Variants in BAHCC1 observed in about 807,000 individuals in gnomAD.
BAHCC1 encodes BAH and coiled-coil domain-containing protein 1.
In BAHCC1, 43 loss-of-function variants were observed where a neutral mutation model predicts 88.2. That is an observed-to-expected ratio of 0.49 (90% CI 0.38 to 0.63). The LOEUF is 0.63. Ranked by LOEUF, BAHCC1 falls within the 20% of genes least tolerant of loss-of-function variation. The pLI is 0.00. For missense variants in BAHCC1, 3,023 were observed against 1,654.8 expected, an observed-to-expected ratio of 1.83 and a Z score of -14.34; for synonymous variants, 1,510 against 745.5, an observed-to-expected ratio of 2.03 and a Z score of -16.71.
intron 13 of BAHCC1, 118 bp from the exon 14 acceptor site, chr17:81,452,605 T>A (rs746830457): frequency 3.6e-6 from 2 of 549,090 alleles, no homozygotes; most frequent in Admixed American, 3.9e-5. Flanking sequence ...CCAGGCCGAG[T>A]CTGGGCCGCA....
Position 81,411,518 on chromosome 17 carries a change from T to TA in BAHCC1, c.178+11601_178+11602insA. ...TGCCTGCCTGCCTGCCTGCCTGCCT[T>TA]CCTTCCTTCCTTCCTTCCTTCCTTC... On this transcript the variant is annotated intron_variant, in intron 2 of 27. Transcript: ENST00000675386. This position sits in a 1 kb window ranked among gnomAD's most constrained non-coding sequence, Gnocchi z 6.2. 1.1e-5 allele frequency: 1 copy of TA among 91,210 alleles called. No individual in the cohort carries two copies. Among genetic ancestry groups the TA allele is most frequent in the Non-Finnish European group, 2.1e-5 (1 of 48,052 alleles). The allele number at this position is 91,210 out of a possible 1,614,324, so 5.7% of individuals were successfully genotyped here. A position where few individuals can be genotyped will look rare whatever the true frequency, so the allele number is the denominator to read the frequency against.
Position 81,447,708 on chromosome 17 carries a change from C to A in BAHCC1, c.3836C>A (p.Pro1279Gln). ...NLGDLPSDSP[P>Q]DPQPPAASGP... ...GGGGACCTGCCCAGCGACAGCCCAC[C>A]GGACCCTCAGCCCCCAGCGGCCTCT... is the stretch of plus-strand genomic sequence containing the variant. The change falls in exon 11 of 28, where the codon CCG (proline) becomes CAG (glutamine). Residue 1279 changes from proline to glutamine, a missense_variant. Physicochemically the swap from Pro to Gln is moderately conservative, Grantham distance 76 (BLOSUM62 -1). Transcript: ENST00000675386. 1 of 734,130 alleles carries A rather than the reference C, an allele frequency of 1.4e-6. No individual in the cohort carries two copies. Among genetic ancestry groups the A allele is most frequent in the African/African-American group, 1.7e-5 (1 of 58,074 alleles). 45.5% of individuals were successfully genotyped at this position (734,130 alleles called of 1,614,324 possible).
intron 2 of BAHCC1, among the ~76,000 whole-genome samples, chr17:81,417,812 T>C (rs541683973): frequency 6.6e-6 from 1 of 152,168 alleles, no homozygotes; most frequent in Non-Finnish European, 1.5e-5. Flanking sequence ...GCCAAGGGGC[T>C]TCCCGGGTGA....
chr17:81,450,699 G>C (rs1475412711), intron 11 of BAHCC1, among the ~76,000 whole-genome samples: 1 of 152,164 alleles, frequency 6.6e-6, no homozygotes, highest in Non-Finnish European at 1.5e-5. Flanking sequence ...GAGGAATGGT[G>C]GCTGCTCCTC....
At chr17:81,437,854 G>A (rs782114605) in intron 3 of BAHCC1, among the ~76,000 whole-genome samples, 15 of 152,290 alleles carry the variant, frequency 9.8e-5, no homozygotes, top group East Asian at 3.9e-4. Context: ...ACTCGGCGTC[G>A]GATGGACACA....
chr17:81,417,050 C>T (rs1222250392), intron 2 of BAHCC1, among the ~76,000 whole-genome samples: 1 of 152,116 alleles, frequency 6.6e-6, no homozygotes, highest in Non-Finnish European at 1.5e-5. Context: ...GTGGGGGCTC[C>T]GGTTGAGAGG....
At chr17:81,414,081 G>T (rs754242133) in intron 2 of BAHCC1, among the ~76,000 whole-genome samples, 1 of 152,182 alleles carries the variant, frequency 6.6e-6, no homozygotes, top group Non-Finnish European at 1.5e-5. Context: ...CTGAAGCTGT[G>T]GGGGTGCCTT....
In BAHCC1 at chr17:81,447,309, C is replaced by A; in HGVS notation, c.3437C>A (p.Ala1146Glu). 1.4e-6 allele frequency: 1 copy of A among 739,548 alleles called. No homozygotes were observed. Among genetic ancestry groups the A allele is most frequent in the East Asian group, 2.5e-5 (1 of 40,120 alleles). 45.8% of individuals were successfully genotyped at this position (739,548 alleles called of 1,614,324 possible). ...GAGCGGGGACCCCAGGGGAAGGCAG[C>A]GGACCCCAGCCCACTAGAGGGGCTA... ...PTERGPQGKA[A>E]DPSPLEGLQE... Residue 1146 changes from alanine to glutamate, a missense_variant, in exon 11 of 28, where the codon GCG becomes GAG. By Grantham distance (107) the Ala-to-Glu change is moderately radical. Coordinates refer to ENST00000675386, the MANE Select transcript of BAHCC1 (RefSeq NM_001377448.1).
chr17:81,443,544 G>A lies in BAHCC1; in HGVS notation c.2195G>A (p.Arg732Gln), dbSNP rs1409047968. ...AYGTNTARQG[R>Q]AAPAFKGGGG... ...GGCACCAACACTGCGCGGCAGGGCC[G>A]GGCCGCCCCCGCCTTCAAAGGTACA... Residue 732 changes from arginine (R) to glutamine (Q), a missense_variant, in exon 5 of 28, where the codon CGG becomes CAG. Arg to Gln is a conservative substitution (Grantham distance 43). Coordinates refer to ENST00000675386, the MANE Select transcript of BAHCC1 (RefSeq NM_001377448.1). 1.7e-5 allele frequency: 11 copies of A among 649,962 alleles called. No individual in the cohort carries two copies. The highest frequency in any genetic ancestry group is 5.4e-5 in the African/African-American group (3 of 55,806). The allele number at this position is 649,962 out of a possible 1,614,324, so 40.3% of individuals were successfully genotyped here.
intron 11 of BAHCC1, 95 bp from the exon 12 acceptor site, chr17:81,451,573 C>T (rs28576195): frequency 0.36 from 229,213 of 635,868 alleles, 42,903 homozygotes; most frequent in Non-Finnish European, 0.38. Context: ...GTCTTCAAGG[C>T]TGGGTGGCTT....
Position 81,411,143 on chromosome 17 carries a change from G to A in BAHCC1, c.178+11226G>A, listed in dbSNP as rs200603523. On this transcript the variant is annotated intron_variant, in intron 2 of 27. Coordinates refer to ENST00000675386, the MANE Select transcript of BAHCC1 (RefSeq NM_001377448.1). This position sits in a 1 kb window ranked among gnomAD's most constrained non-coding sequence, Gnocchi z 6.2. Reference sequence around the variant, plus strand: ...TCCTCTGCGTGAGTCCATTCATCACGTGCCTGCAGGTGCCTGTGTCCTGTC... The same window carrying A: ...TCCTCTGCGTGAGTCCATTCATCACATGCCTGCAGGTGCCTGTGTCCTGTC... 505 of 519,202 alleles carry A rather than the reference G, an allele frequency of 9.7e-4. No homozygotes were observed. The highest frequency in any genetic ancestry group is 1.1e-3 in the South Asian group (81 of 71,566). 32.2% of individuals were successfully genotyped at this position (519,202 alleles called of 1,614,324 possible). A position where few individuals can be genotyped will look rare whatever the true frequency, so the allele number is the denominator to read the frequency against.
At position 81,460,262 on chromosome 17, in the gene BAHCC1, G is replaced by A. The variant is rs781859884; in HGVS notation, c.5906-15G>A. 15 of 754,324 alleles carry A rather than the reference G, an allele frequency of 2.0e-5. No individual in the cohort carries two copies. The highest frequency in any genetic ancestry group is 1.0e-4 in the East Asian group (4 of 39,804). 46.7% of individuals were successfully genotyped at this position (754,324 alleles called of 1,614,324 possible). On this transcript the variant is annotated splice_polypyrimidine_tract_variant and intron_variant, in intron 23 of 27. Coordinates refer to ENST00000675386, the MANE Select transcript of BAHCC1 (RefSeq NM_001377448.1). ...CTGGGGGTTCCAGCTGCAAGCTCAGGTGTGCCGTCCACAGGGGCCTCCGGT... is the reference window on the plus strand; with the variant it reads ...CTGGGGGTTCCAGCTGCAAGCTCAGATGTGCCGTCCACAGGGGCCTCCGGT...
rs1598516541 is a variant in BAHCC1, at chr17:81,461,119, C to T, written c.6456C>T (p.Gly2152=). 1 of 764,780 alleles carries T rather than the reference C, an allele frequency of 1.3e-6. No homozygotes were observed. 47.4% of individuals were successfully genotyped at this position (764,780 alleles called of 1,614,324 possible). ...TGGCCACACCCATATTTGGCAACGG[C>T]TTCCGCGCCGACTCCTTCAGCAGCC... The part of the protein sequence containing the change: ...HSVATPIFGN[G]FRADSFSSLA... The change falls in exon 26 of 28, where the codon GGC becomes GGT. Residue 2152 remains glycine (G), a synonymous_variant. Coordinates refer to ENST00000675386, the MANE Select transcript of BAHCC1 (RefSeq NM_001377448.1).
chr17:81,404,242 C>T (rs575746824), intron 2 of BAHCC1, among the ~76,000 whole-genome samples: 2 of 152,310 alleles, frequency 1.3e-5, no homozygotes, highest in East Asian at 3.9e-4. Flanking sequence ...TAAAAATATT[C>T]CAGGCTTTGG....
intron 2 of BAHCC1, chr17:81,422,733 G>A (rs914162527): frequency 4.6e-6 from 2 of 430,884 alleles, no homozygotes; most frequent in Non-Finnish European, 4.7e-6. Context: ...GGGTTCTCAG[G>A]CCAGGATCCT....
intron 2 of BAHCC1, among the ~76,000 whole-genome samples, chr17:81,417,459 C>T (rs1555648905): frequency 6.6e-6 from 1 of 152,072 alleles, no homozygotes; most frequent in African/African-American, 2.4e-5. Flanking sequence ...CTGCCTGTGC[C>T]CCACCCTCAG....
At position 81,442,413 on chromosome 17, in the gene BAHCC1, C is replaced by T. The variant is rs562697516; in HGVS notation, c.1064C>T (p.Pro355Leu). ...HHTASYAGPP[P>L]PLSTAAGSFP... ...ACCGCATCCTACGCCGGGCCACCCC[C>T]GCCCCTCAGCACAGCCGCCGGCTCC... The change falls in exon 5 of 28, where the codon CCG becomes CTG. Residue 355 changes from proline to leucine, a missense_variant. Pro to Leu is a moderately conservative substitution (Grantham distance 98). Coordinates refer to ENST00000675386, the MANE Select transcript of BAHCC1 (RefSeq NM_001377448.1). 57 of 695,954 alleles carry T rather than the reference C, an allele frequency of 8.2e-5. No homozygotes were observed. Among genetic ancestry groups the T allele is most frequent in the African/African-American group, 6.7e-4 (38 of 56,340 alleles). 43.1% of individuals were successfully genotyped at this position (695,954 alleles called of 1,614,324 possible).
rs782319715 is a variant in BAHCC1 at position 81,411,138 on chromosome 17, A to G, written c.178+11221A>G. 30 of 518,938 alleles carry G rather than the reference A, an allele frequency of 5.8e-5. 1 individual carries two copies. Among genetic ancestry groups the G allele is most frequent in the South Asian group, 3.6e-4 (26 of 71,558 alleles). 32.1% of individuals were successfully genotyped at this position (518,938 alleles called of 1,614,324 possible). ...AGCCGTCCTCTGCGTGAGTCCATTC[A>G]TCACGTGCCTGCAGGTGCCTGTGTC... On this transcript the variant is annotated intron_variant, in intron 2 of 27. Transcript: ENST00000675386. This position sits in a 1 kb window ranked among gnomAD's most constrained non-coding sequence, Gnocchi z 6.2.
intron 2 of BAHCC1, among the ~76,000 whole-genome samples, chr17:81,417,204 C>G (rs2064043775): frequency 6.6e-6 from 1 of 152,188 alleles, no homozygotes; most frequent in Admixed American, 6.5e-5. Flanking sequence ...CCGCAGCTGG[C>G]TGTCTCAAGA....
Sources: allele counts gnomAD v4.1 joint callset (sites outside exome capture counted in the v4.1 genomes callset), GRCh38; gene constraint gnomAD v4.1.1; non-coding constraint Gnocchi (gnomAD v3.1); transcripts MANE v1.5; gene names NCBI Gene and HGNC (gene_info 2026-07-23, HGNC 2026-07-21).